HOMER2: variants seen among roughly 807,000 people sequenced by gnomAD.
The protein encoded by HOMER2 is homer scaffold protein 2.
A neutral mutation model predicts 47.0 loss-of-function variants in HOMER2; 27 were observed. The ratio of observed to expected loss-of-function variants is 0.57; its 90% CI spans 0.42 to 0.79. HOMER2 has a LOEUF of 0.79. Ranked by LOEUF, HOMER2 falls within the 30% of genes least tolerant of loss-of-function variation. HOMER2 has a pLI of 0.00. For synonymous variants in HOMER2, 161 were observed against 163.8 expected (o/e 0.98, Z 0.13); for missense variants, 443 against 435.0 (o/e 1.02, Z -0.16).
At chr15:82,983,162 A>T (rs1161528109) in intron 1 of HOMER2, among the ~76,000 whole-genome samples, 2 of 152,244 alleles carry the variant, frequency 1.3e-5, no homozygotes, top group Non-Finnish European at 2.9e-5. Flanking sequence ...TTTTATAATA[A>T]AATGTTGAAT....
chr15:82,841,620 ATGAGT>A (rs1309577360), exon 2 of HOMER2: 3 of 152,216 alleles, frequency 2.0e-5, no homozygotes, highest in Non-Finnish European at 2.9e-5. Flanking sequence ...AGTCAATGTG[ATGAGT>A]TGAGAAAGTG....
rs537446699 is a variant in HOMER2 at position 82,899,143 on chromosome 15, T to C, written c.6-6302A>G. ...AATTACAGGCTGTCCCCTGACCACC[T>C]GGCCCTGCCCTCTCACCAGAAGGGC... On this transcript the variant is annotated intron_variant, in intron 1 of 8. Transcript: ENST00000450735. Among the ~76,000 whole-genome samples, 18 of 152,354 alleles carry C rather than the reference T, an allele frequency of 1.2e-4. No homozygotes were observed. In the East Asian group the frequency reaches 3.5e-3, roughly 29 times the overall value.
At chr15:82,985,412 T>C (rs1215546017) in intron 1 of HOMER2, 2 of 152,154 alleles carry the variant, frequency 1.3e-5, no homozygotes, top group Admixed American at 6.5e-5. Flanking sequence ...ACTGACACCG[T>C]GCAGGGGATG....
intron 4 of HOMER2, among the ~76,000 whole-genome samples, chr15:82,860,114 G>A (rs2051728743): frequency 1.3e-5 from 2 of 152,080 alleles, no homozygotes; most frequent in South Asian, 2.1e-4. Flanking sequence ...CAGGCGTGGT[G>A]GCATGCACCT....
intron 1 of HOMER2, among the ~76,000 whole-genome samples, chr15:82,930,872 C>T (rs558246587): frequency 2.8e-4 from 43 of 152,070 alleles, no homozygotes; most frequent in African/African-American, 1.0e-3. Flanking sequence ...CTAAAAATAC[C>T]AAAGTTAGTC....
intron 1 of HOMER2, among the ~76,000 whole-genome samples, chr15:82,945,634 G>A (rs1166134577): frequency 6.6e-6 from 1 of 151,822 alleles, no homozygotes; most frequent in Non-Finnish European, 1.5e-5. Context: ...TTAGAAAAAA[G>A]CAAAGCTATT....
chr15:82,907,365 GA>G (rs541986853), intron 1 of HOMER2, among the ~76,000 whole-genome samples: 1 of 143,532 alleles, frequency 7.0e-6, no homozygotes, highest in African/African-American at 2.6e-5. Context: ...AGAAAGAAAA[GA>G]AAAGAGAAGA....
chr15:82,858,216 G>C (rs1234816113), intron 5 of HOMER2, among the ~76,000 whole-genome samples: 2 of 152,048 alleles, frequency 1.3e-5, no homozygotes, highest in East Asian at 3.9e-4. Flanking sequence ...GTATATAGGT[G>C]ACTGAGTTTT....
intron 1 of HOMER2, among the ~76,000 whole-genome samples, chr15:82,960,796 G>A (rs1254306819): frequency 2.6e-5 from 4 of 152,008 alleles, no homozygotes; most frequent in African/African-American, 9.7e-5. Flanking sequence ...TGGTAGTTCT[G>A]GTTCCTAGAA....
intron 5 of HOMER2, among the ~76,000 whole-genome samples, chr15:82,858,265 C>T (rs370660164): frequency 1.4e-4 from 22 of 151,848 alleles, no homozygotes; most frequent in South Asian, 4.2e-4. Flanking sequence ...TTTTCACATG[C>T]GTTTCTCAGA....
intron 1 of HOMER2, among the ~76,000 whole-genome samples, chr15:82,923,836 C>T (rs1165141261): frequency 2.0e-5 from 3 of 152,180 alleles, no homozygotes; most frequent in African/African-American, 4.8e-5. Flanking sequence ...TTTCCCCAGT[C>T]GGTTGTACAA....
At chr15:82,961,681 T>G (rs1215695726) in intron 1 of HOMER2, among the ~76,000 whole-genome samples, 6 of 152,212 alleles carry the variant, frequency 3.9e-5, no homozygotes, top group African/African-American at 1.4e-4. Context: ...TTTTTAAGTG[T>G]AGATTTAAGT....
chr15:82,909,041 G>C (rs1005597248), intron 1 of HOMER2, among the ~76,000 whole-genome samples: 1 of 152,144 alleles, frequency 6.6e-6, no homozygotes, highest in East Asian at 1.9e-4. Flanking sequence ...AAACCAGGGA[G>C]GCACTCATGT....
At position 82,849,543 on chromosome 15, in the gene HOMER2, G is replaced by T. The variant is rs79958469; in HGVS notation, c.*172C>A. 3.3e-6 allele frequency: 2 copies of T among 606,074 alleles called. No individual in the cohort carries two copies. The highest frequency in any genetic ancestry group is 6.0e-5 in the Admixed American group (2 of 33,242). The allele number at this position is 606,074 out of a possible 1,614,324, so 37.5% of individuals were successfully genotyped here. A position where few individuals can be genotyped will look rare whatever the true frequency, so the allele number is the denominator to read the frequency against. ...CACAACCTCACAAGGCCAGAGAAGCGAGAGGAGATTTCTATTCTGAAAAGG... is the reference window on the plus strand; with the variant it reads ...CACAACCTCACAAGGCCAGAGAAGCTAGAGGAGATTTCTATTCTGAAAAGG... On this transcript the variant is annotated 3_prime_UTR_variant, in exon 9 of 9. Coordinates refer to ENST00000450735, the MANE Select transcript of HOMER2 (RefSeq NM_004839.4).
chr15:82,924,207 T>C (rs949126804), intron 1 of HOMER2, among the ~76,000 whole-genome samples: 19 of 152,258 alleles, frequency 1.2e-4, no homozygotes, highest in Admixed American at 1.1e-3. Flanking sequence ...TTGGCTGCTG[T>C]GTGGGTAACG....
At chr15:82,971,203 T>C (rs979155661) in intron 1 of HOMER2, among the ~76,000 whole-genome samples, 7 of 152,190 alleles carry the variant, frequency 4.6e-5, no homozygotes, top group South Asian at 4.1e-4. Flanking sequence ...AGCTAAAGAT[T>C]GGGCTCTGGA....
chr15:82,914,976 G>A (rs577737247), intron 1 of HOMER2, among the ~76,000 whole-genome samples: 1 of 152,274 alleles, frequency 6.6e-6, no homozygotes, highest in South Asian at 2.1e-4. Flanking sequence ...TTGAGGCCAA[G>A]AGTTTGAGAT....
chr15:82,868,541 ATTTTTT>A (rs10678643), intron 3 of HOMER2, among the ~76,000 whole-genome samples: 8 of 71,258 alleles, frequency 1.1e-4, no homozygotes, highest in Admixed American at 1.8e-4. Flanking sequence ...ATATATATAT[ATTTTTT>A]TTTTTTTTTT....
chr15:82,868,541 A>ATATTTTTTTTT, intron 3 of HOMER2, among the ~76,000 whole-genome samples: 1 of 71,288 alleles, frequency 1.4e-5, no homozygotes, highest in African/African-American at 5.0e-5. Flanking sequence ...ATATATATAT[A>ATATTTTTTTTT]TTTTTTTTTT....
Sources: gnomAD v4.1 joint callset for allele counts (sites outside exome capture counted in the v4.1 genomes callset) on GRCh38, gnomAD v4.1.1 for gene constraint, MANE v1.5 for transcripts, NCBI Gene and HGNC (gene_info 2026-07-23, HGNC 2026-07-21) for gene names.